L3MBTL4: variants seen among roughly 807,000 people sequenced by gnomAD.
The protein encoded by L3MBTL4 is lethal(3)malignant brain tumor-like protein 4.
In L3MBTL4, 70 loss-of-function variants were observed where a neutral mutation model predicts 84.5. The ratio of observed to expected loss-of-function variants is 0.83; its 90% CI spans 0.68 to 1.01. L3MBTL4 has a LOEUF of 1.01. L3MBTL4 is among the 50% of genes least tolerant of loss of function. L3MBTL4 has a pLI of 0.00. For synonymous variants in L3MBTL4, 274 were observed against 259.8 expected (o/e 1.05, Z -0.52); for missense variants, 715 against 754.8 (o/e 0.95, Z 0.62).
chr18:6,163,259 T>TGG (rs71163263), intron 13 of L3MBTL4, among the ~76,000 whole-genome samples: 17 of 57,356 alleles, frequency 3.0e-4, no homozygotes, highest in East Asian at 6.9e-4. Flanking sequence ...TGTGTGTGTG[T>TGG]GGGGGGGGGG....
intron 16 of L3MBTL4, among the ~76,000 whole-genome samples, chr18:6,069,775 A>C (rs1409621729): frequency 1.3e-5 from 2 of 152,222 alleles, no homozygotes; most frequent in African/African-American, 4.8e-5. Context: ...CCAATAACAA[A>C]GGCAAAAGAT....
chr18:6,069,953 GGA>G (rs1174992256), intron 16 of L3MBTL4, among the ~76,000 whole-genome samples: 1 of 152,026 alleles, frequency 6.6e-6, no homozygotes, highest in African/African-American at 2.4e-5. Context: ...ATAGCAGTTT[GGA>G]GACAGCTGAA....
chr18:6,206,132 A>C (rs1189445599), intron 12 of L3MBTL4, among the ~76,000 whole-genome samples: 3 of 152,206 alleles, frequency 2.0e-5, no homozygotes, highest in African/African-American at 4.8e-5. Context: ...AGAACGAAGA[A>C]TCTGCTTTAT....
chr18:5,994,030 A>G (rs755873535), intron 16 of L3MBTL4, among the ~76,000 whole-genome samples: 4 of 152,234 alleles, frequency 2.6e-5, no homozygotes, highest in Non-Finnish European at 5.9e-5. Flanking sequence ...GCCACTGGCG[A>G]CGCTGGAACC....
At chr18:6,252,925 C>T (rs766122438) in intron 5 of L3MBTL4, among the ~76,000 whole-genome samples, 4 of 152,198 alleles carry the variant, frequency 2.6e-5, no homozygotes, top group Non-Finnish European at 2.9e-5. Context: ...CCCCTGGGGC[C>T]GGGTGCGGTG....
chr18:6,164,379 A>C (rs1022167771), intron 13 of L3MBTL4, among the ~76,000 whole-genome samples: 4 of 152,208 alleles, frequency 2.6e-5, no homozygotes, highest in Non-Finnish European at 5.9e-5. Flanking sequence ...GGCAGACTGC[A>C]TCCTCAAGTG....
chr18:6,001,446 A>G (rs72860708), intron 16 of L3MBTL4, among the ~76,000 whole-genome samples: 1 of 152,360 alleles, frequency 6.6e-6, no homozygotes, highest in Non-Finnish European at 1.5e-5. Flanking sequence ...GCATGGAGCT[A>G]CCATAAAACA....
intron 3 of L3MBTL4, among the ~76,000 whole-genome samples, chr18:6,309,779 G>T (rs754715629): frequency 6.6e-6 from 1 of 152,140 alleles, no homozygotes; most frequent in Non-Finnish European, 1.5e-5. Context: ...AGATAGGGGG[G>T]TAACAATCTC....
chr18:6,046,613 C>A (rs751485128), intron 16 of L3MBTL4: 10 of 603,732 alleles, frequency 1.7e-5, no homozygotes, highest in Non-Finnish European at 2.7e-5. Context: ...CCCAAAACCA[C>A]ACATTACATG....
intron 13 of L3MBTL4, among the ~76,000 whole-genome samples, chr18:6,140,993 ATAT>A (rs2060179588): frequency 6.6e-6 from 1 of 151,486 alleles, no homozygotes; most frequent in South Asian, 2.1e-4. Context: ...TATGGTTTAT[ATAT>A]AAGCTTCTTT....
chr18:6,247,267 T>A (rs1202077652), intron 5 of L3MBTL4, among the ~76,000 whole-genome samples: 4 of 152,048 alleles, frequency 2.6e-5, no homozygotes, highest in African/African-American at 4.8e-5. Context: ...CATATTCCAA[T>A]TTTGTCCATT....
intron 14 of L3MBTL4, among the ~76,000 whole-genome samples, chr18:6,119,921 A>G (rs1292373044): frequency 6.6e-6 from 1 of 152,244 alleles, no homozygotes; most frequent in African/African-American, 2.4e-5. Context: ...CCAACTGGGT[A>G]ATTGTCTCCA....
intron 1 of L3MBTL4, chr18:6,399,704 G>T (rs1210778728): frequency 2.0e-5 from 3 of 152,154 alleles, no homozygotes; most frequent in African/African-American, 4.8e-5. Flanking sequence ...AGCTAATGGA[G>T]AATTAACAGA....
chr18:6,028,176 C>T (rs79939334), intron 16 of L3MBTL4, among the ~76,000 whole-genome samples: 2,318 of 152,178 alleles, frequency 0.015, 58 homozygotes, highest in African/African-American at 0.054. Flanking sequence ...TTGGGTTTTA[C>T]GTTTAAGTCT....
chr18:6,281,942 A>G (rs2049339083), intron 4 of L3MBTL4, among the ~76,000 whole-genome samples: 1 of 152,200 alleles, frequency 6.6e-6, no homozygotes, highest in Non-Finnish European at 1.5e-5. Context: ...AAAATCCATT[A>G]TCACCCGGAC....
intron 10 of L3MBTL4, among the ~76,000 whole-genome samples, chr18:6,225,840 A>C (rs1212395040): frequency 6.6e-6 from 1 of 152,132 alleles, no homozygotes; most frequent in Non-Finnish European, 1.5e-5. Context: ...CTTAAAAAAA[A>C]AATGAACAGG....
At chr18:6,402,304 T>C (rs11875435) in intron 1 of L3MBTL4, among the ~76,000 whole-genome samples, 27,148 of 152,220 alleles carry the variant, frequency 0.18, 2,720 homozygotes, top group African/African-American at 0.27. Flanking sequence ...GATTCCTGTA[T>C]TGGCCAGAAA....
Position 6,223,131 on chromosome 18 carries a change from A to G in L3MBTL4, c.785-7296T>C, listed in dbSNP as rs368644025. Among the ~76,000 whole-genome samples, 14 of 152,038 alleles carry G rather than the reference A, an allele frequency of 9.2e-5. No homozygotes were observed. In the East Asian group the frequency reaches 1.3e-3, roughly 15 times the overall value. ...TGGTGATTCTAGAGAATCTAAAAAA[A>G]CCAACTGTGTTATTTCTACAAAGTA... is the stretch of plus-strand genomic sequence containing the variant. On this transcript the variant is annotated intron_variant, in intron 10 of 18. Coordinates refer to ENST00000317931, the MANE Select transcript of L3MBTL4 (RefSeq NM_001330559.2).
intron 15 of L3MBTL4, among the ~76,000 whole-genome samples, chr18:6,084,322 G>A (rs560901045): frequency 1.1e-4 from 16 of 152,234 alleles, no homozygotes; most frequent in Non-Finnish European, 1.9e-4. Context: ...GCTGAACTGA[G>A]TAGTTGTAGC....
Sources: gnomAD v4.1 joint callset for allele counts (sites outside exome capture counted in the v4.1 genomes callset) on GRCh38, gnomAD v4.1.1 for gene constraint, MANE v1.5 for transcripts, NCBI Gene and HGNC (gene_info 2026-07-23, HGNC 2026-07-21) for gene names.